NR3C1: variants seen among roughly 807,000 people sequenced by gnomAD.
The protein encoded by NR3C1 is nuclear receptor subfamily 3 group C member 1, also known as glucocorticoid receptor.
NR3C1 carries 14 observed loss-of-function variants against 74.0 expected under a neutral mutation model. That is an observed-to-expected ratio of 0.19 (90% CI 0.12 to 0.30). NR3C1 has a LOEUF of 0.30. Ranked by LOEUF, NR3C1 falls within the 10% of genes least tolerant of loss-of-function variation. The pLI is 1.00. For missense variants in NR3C1, 695 were observed against 909.8 expected (o/e 0.76, Z 3.04); for synonymous variants, 308 against 332.5 (o/e 0.93, Z 0.80).
intron 6 of NR3C1, 72 bp from the exon 7 acceptor site, chr5:143,295,662 T>C: frequency 7.6e-7 from 1 of 1,312,332 alleles, no homozygotes; most frequent in Non-Finnish European, 1.1e-6. Flanking sequence ...ATTTTTGTTT[T>C]GTTTTGCAAA....
At chr5:143,317,596 A>G (rs181572873) in intron 2 of NR3C1, among the ~76,000 whole-genome samples, 1 of 152,252 alleles carries the variant, frequency 6.6e-6, no homozygotes, top group African/African-American at 2.4e-5. Flanking sequence ...ATAATTCCTG[A>G]GGCTGAGTTT....
intron 2 of NR3C1, among the ~76,000 whole-genome samples, chr5:143,364,798 T>C (rs1832912036): frequency 6.6e-6 from 1 of 152,154 alleles, no homozygotes; most frequent in Non-Finnish European, 1.5e-5. Context: ...CTCAACCTCC[T>C]GGGCTCAAGC....
intron 1 of NR3C1, among the ~76,000 whole-genome samples, chr5:143,418,457 C>T (rs1751037807): frequency 1.3e-5 from 2 of 152,176 alleles, no homozygotes; most frequent in South Asian, 4.1e-4. Flanking sequence ...TCCCTTCTTT[C>T]TCAACCCACA....
chr5:143,428,111 C>G (rs905818078), intron 1 of NR3C1, among the ~76,000 whole-genome samples: 3 of 152,132 alleles, frequency 2.0e-5, no homozygotes, highest in Admixed American at 2.0e-4. Context: ...ATAGGACTTA[C>G]AAGAAAAGAG....
chr5:143,293,358 T>C (rs1020700616), intron 7 of NR3C1, among the ~76,000 whole-genome samples: 2 of 152,150 alleles, frequency 1.3e-5, no homozygotes, highest in Non-Finnish European at 2.9e-5. Flanking sequence ...AATGATATTA[T>C]GGACTTTGTG....
chr5:143,334,460 G>T (rs1382026574), intron 2 of NR3C1, among the ~76,000 whole-genome samples: 1 of 152,142 alleles, frequency 6.6e-6, no homozygotes, highest in East Asian at 1.9e-4. Context: ...AAATTCCAGC[G>T]TTTTCTACAT....
At chr5:143,299,378 T>C (rs2060329993) in intron 5 of NR3C1, among the ~76,000 whole-genome samples, 1 of 150,664 alleles carries the variant, frequency 6.6e-6, no homozygotes, top group Admixed American at 6.6e-5. Context: ...TTGTCACCTC[T>C]GTCTGCTTAA....
Position 143,427,917 on chromosome 5 carries a change from C to G in NR3C1, c.-14+6615G>C, listed in dbSNP as rs77983076. On this transcript the variant is annotated intron_variant, in intron 1 of 8. Coordinates refer to the NR3C1 transcript ENST00000343796. ...AGGTCATCATGGAAAATGCTTGACA[C>G]TGTGCCTGGCACAATGTTATTGTTA... 6.9e-3 allele frequency among the ~76,000 whole-genome samples: 1,057 copies of G among 152,340 alleles called. 9 individuals are homozygous for G. Among genetic ancestry groups the G allele is most frequent in the African/African-American group, 0.024 (1,012 of 41,562 alleles).
At chr5:143,374,047 T>C (rs1194166094) in intron 2 of NR3C1, among the ~76,000 whole-genome samples, 1 of 152,230 alleles carries the variant, frequency 6.6e-6, no homozygotes, top group Non-Finnish European at 1.5e-5. Flanking sequence ...ATATATAAAG[T>C]ATTATGCTAC....
intron 2 of NR3C1, among the ~76,000 whole-genome samples, chr5:143,367,865 G>C (rs1833533147): frequency 6.6e-6 from 1 of 152,240 alleles, no homozygotes; most frequent in East Asian, 1.9e-4. Context: ...AACTTCAATT[G>C]CCTCTTTTTT....
In NR3C1 at chr5:143,279,545, A is replaced by G; in HGVS notation, c.*2344T>C. ...GGGTTACACACCATCTTAAAATATT[A>G]CATTCCCTTTTAGAGAGCATTCAAA... On this transcript the variant is annotated 3_prime_UTR_variant, in exon 9 of 9. Transcript: ENST00000394464. The G allele has an allele frequency of 1.3e-6, 1 of 781,868 alleles. No individual in the cohort carries two copies. Among genetic ancestry groups the G allele is most frequent in the Non-Finnish European group, 1.8e-6 (1 of 540,738 alleles). 48.4% of individuals were successfully genotyped at this position (781,868 alleles called of 1,614,324 possible). A position where few individuals can be genotyped will look rare whatever the true frequency, so the allele number is the denominator to read the frequency against.
At chr5:143,344,592 A>C (rs1216176847) in intron 2 of NR3C1, among the ~76,000 whole-genome samples, 1 of 152,062 alleles carries the variant, frequency 6.6e-6, no homozygotes, top group Non-Finnish European at 1.5e-5. Flanking sequence ...AATGATGCTG[A>C]CTGGGCGCGG....
At chr5:143,286,374 A>G (rs560822162) in intron 7 of NR3C1, among the ~76,000 whole-genome samples, 1 of 152,180 alleles carries the variant, frequency 6.6e-6, no homozygotes, top group Non-Finnish European at 1.5e-5. Context: ...AGTACAATGA[A>G]TTCAGCTATA....
In NR3C1 at chr5:143,310,196, A is replaced by G. The variant is rs1309076713; in HGVS notation, c.1369T>C (p.Cys457Arg). The change falls in exon 4 of 9, where the codon TGT becomes CGT. Residue 457 changes from cysteine (C) to arginine (R), a missense_variant. Around this residue, in one of 4 missense-constraint regions of NR3C1, gnomAD observed 23 missense variants for 83.1 expected, o/e 0.28. Coordinates refer to ENST00000394464, the MANE Select transcript of NR3C1 (RefSeq NM_000176.3). ...ATGATGCAATCATTCCTTCCAGCACATAGGTAATTGTGCTGTCCTATATGG... is the reference window on the plus strand; with the variant it reads ...ATGATGCAATCATTCCTTCCAGCACGTAGGTAATTGTGCTGTCCTATATGG... The part of the protein sequence containing the change: ...RAVEGQHNYL[C>R]AGRNDCIIDK... 2 of 1,613,398 alleles carry G rather than the reference A, an allele frequency of 1.2e-6. No individual in the cohort carries two copies. The highest frequency in any genetic ancestry group is 1.7e-6 in the Non-Finnish European group (2 of 1,179,600).
intron 3 of NR3C1, among the ~76,000 whole-genome samples, chr5:143,312,995 A>G (rs192805543): frequency 6.6e-6 from 1 of 152,336 alleles, no homozygotes; most frequent in East Asian, 1.9e-4. Flanking sequence ...ATAATTTGCT[A>G]ATGTATTAAA....
At chr5:143,403,105 T>A in intron 1 of NR3C1, 106 bp downstream of exon 1, 90 of 497,286 alleles carry the variant, frequency 1.8e-4, no homozygotes, top group South Asian at 3.5e-4. Flanking sequence ...TCCCCGAGGC[T>A]AATAAAAGTT....
chr5:143,290,117 C>T (rs922592768), intron 7 of NR3C1, among the ~76,000 whole-genome samples: 1 of 152,142 alleles, frequency 6.6e-6, no homozygotes, highest in African/African-American at 2.4e-5. Flanking sequence ...TATATATTTA[C>T]AATTATTTTT....
intron 2 of NR3C1, among the ~76,000 whole-genome samples, chr5:143,315,508 C>T (rs1358539423): frequency 6.6e-6 from 1 of 152,134 alleles, no homozygotes; most frequent in Non-Finnish European, 1.5e-5. Context: ...TCTCTCTAAA[C>T]TTTTCTTAAT....
intron 1 of NR3C1, among the ~76,000 whole-genome samples, chr5:143,419,757 A>G (rs34113205): frequency 0.18 from 27,668 of 152,170 alleles, 2,727 homozygotes; most frequent in Middle Eastern, 0.35. Context: ...AAAATTGCTA[A>G]CAAAGTTTTG....
Sources: gnomAD v4.1 joint callset for allele counts (sites outside exome capture counted in the v4.1 genomes callset) on GRCh38, gnomAD v4.1.1 for gene constraint, gnomAD v4.1.1 regional missense constraint, MANE v1.5 for transcripts, NCBI Gene and HGNC (gene_info 2026-07-23, HGNC 2026-07-21) for gene names.